Variants in EXOC6 observed in about 807,000 individuals in gnomAD.
EXOC6 encodes the protein exocyst complex component 6, also known as SEC15-like 1.
EXOC6 carries 60 observed loss-of-function variants against 112.5 expected under a neutral mutation model. That is an observed-to-expected ratio of 0.53 (90% CI 0.43 to 0.66). EXOC6 has a LOEUF of 0.66. Ranked by LOEUF, EXOC6 falls within the 30% of genes least tolerant of loss-of-function variation. EXOC6 has a pLI of 0.00. For missense variants in EXOC6, 855 were observed against 957.1 expected (o/e 0.89, Z 1.41); for synonymous variants, 295 against 308.0 (o/e 0.96, Z 0.44).
chr10:92,887,528 T>C (rs192889762), intron 1 of EXOC6, among the ~76,000 whole-genome samples: 2 of 151,018 alleles, frequency 1.3e-5, no homozygotes, highest in African/African-American at 4.9e-5. Flanking sequence ...GCCTCCCAAG[T>C]AGCTGGGATT....
chr10:93,006,207 A>AT (rs1440281553), intron 19 of EXOC6, among the ~76,000 whole-genome samples: 1 of 151,990 alleles, frequency 6.6e-6, no homozygotes, highest in East Asian at 1.9e-4. Flanking sequence ...AAAAAAAAAA[A>AT]GGATGCTGTT....
intron 18 of EXOC6, among the ~76,000 whole-genome samples, chr10:92,988,663 C>T (rs1198631427): frequency 6.6e-6 from 1 of 152,012 alleles, no homozygotes; most frequent in East Asian, 1.9e-4. Flanking sequence ...AGCCTCTTTC[C>T]ACATATATTT....
chr10:92,922,517 C>T (rs1010882466), intron 8 of EXOC6, among the ~76,000 whole-genome samples: 22 of 152,170 alleles, frequency 1.4e-4, no homozygotes, highest in African/African-American at 5.3e-4. Context: ...CTTTCAAGGA[C>T]TGTTGACTGT....
At chr10:92,901,558 T>G (rs1171408932) in intron 5 of EXOC6, 15 of 151,514 alleles carry the variant, frequency 9.9e-5, no homozygotes, top group Non-Finnish European at 4.4e-5. Context: ...TTCCTGTGTC[T>G]TTGTCTTTGA....
chr10:92,871,887 A>G (rs1298629895), intron 1 of EXOC6, among the ~76,000 whole-genome samples: 2 of 151,970 alleles, frequency 1.3e-5, no homozygotes, highest in East Asian at 3.9e-4. Flanking sequence ...TAATTTTAGT[A>G]TTTTTTGTAT....
At chr10:93,002,180 C>CTA (rs1034135436) in intron 19 of EXOC6, among the ~76,000 whole-genome samples, 12 of 151,762 alleles carry the variant, frequency 7.9e-5, no homozygotes, top group South Asian at 6.3e-4. Flanking sequence ...TTTTCTTATC[C>CTA]TATATATATA....
At chr10:92,959,678 A>C (rs74757697) in intron 17 of EXOC6, among the ~76,000 whole-genome samples, 127 of 152,366 alleles carry the variant, frequency 8.3e-4, no homozygotes, top group African/African-American at 3.0e-3. Context: ...AAAATGAACA[A>C]TTGATTTTAA....
upstream of EXOC6, among the ~76,000 whole-genome samples, chr10:92,831,788 A>G (rs1249677735): frequency 6.6e-6 from 1 of 152,218 alleles, no homozygotes; most frequent in African/African-American, 2.4e-5. Context: ...ATATGCCTAC[A>G]TTCTAAAATC....
At chr10:93,048,421 G>A (rs1437593481) in intron 20 of EXOC6, among the ~76,000 whole-genome samples, 1 of 151,718 alleles carries the variant, frequency 6.6e-6, no homozygotes, top group Non-Finnish European at 1.5e-5. Context: ...AACATTGGCT[G>A]GGTGCAGTGG....
intron 5 of EXOC6, among the ~76,000 whole-genome samples, chr10:92,902,381 CTCT>C (rs1305995554): frequency 6.6e-6 from 1 of 151,768 alleles, no homozygotes; most frequent in Non-Finnish European, 1.5e-5. Context: ...ATTTTCTTAT[CTCT>C]TCTTTGACAT....
At chr10:92,834,945 A>G (rs951098132) in intron 1 of EXOC6, 4 of 495,554 alleles carry the variant, frequency 8.1e-6, no homozygotes, top group African/African-American at 1.9e-5. Flanking sequence ...ACAGTTCTGT[A>G]TATACTTAAT....
chr10:93,015,600 G>A (rs141228379), intron 20 of EXOC6, among the ~76,000 whole-genome samples: 6,404 of 152,298 alleles, frequency 0.042, 235 homozygotes, highest in East Asian at 0.13. Flanking sequence ...GTGCGTGGTG[G>A]CACATGCCTG....
intron 13 of EXOC6, among the ~76,000 whole-genome samples, chr10:92,944,276 AC>A (rs1330856575): frequency 6.6e-6 from 1 of 151,798 alleles, no homozygotes; most frequent in East Asian, 1.9e-4. Context: ...TTGCTCTATC[AC>A]CCAGGCTGGA....
chr10:92,908,212 G>A (rs1589809471), intron 5 of EXOC6, among the ~76,000 whole-genome samples: 1 of 151,478 alleles, frequency 6.6e-6, no homozygotes, highest in South Asian at 2.1e-4. Flanking sequence ...GCACTACCAC[G>A]CCCGACTAAT....
chr10:92,907,009 A>AT (rs1219644459), intron 5 of EXOC6, among the ~76,000 whole-genome samples: 1 of 152,190 alleles, frequency 6.6e-6, no homozygotes, highest in African/African-American at 2.4e-5. Flanking sequence ...TTGTGGCTAA[A>AT]TTTTAGAAAG....
chr10:92,875,561 G>A (rs922162297), intron 1 of EXOC6, among the ~76,000 whole-genome samples: 1 of 152,110 alleles, frequency 6.6e-6, no homozygotes, highest in African/African-American at 2.4e-5. Context: ...TTACATAACA[G>A]AATGCCATGA....
chr10:93,051,357 G>A (rs1392927019), intron 20 of EXOC6, among the ~76,000 whole-genome samples: 2 of 152,200 alleles, frequency 1.3e-5, no homozygotes, highest in Admixed American at 1.3e-4. Context: ...GGGAGTGAAA[G>A]GATTGGCTGA....
At chr10:92,956,327 A>G in intron 17 of EXOC6, among the ~76,000 whole-genome samples, 1 of 152,098 alleles carries the variant, frequency 6.6e-6, no homozygotes, top group East Asian at 1.9e-4. Flanking sequence ...TGAATATTTT[A>G]TTAAACTAAT....
upstream of EXOC6, among the ~76,000 whole-genome samples, chr10:92,831,689 C>T (rs1299602203): frequency 1.3e-5 from 2 of 152,170 alleles, no homozygotes; most frequent in Non-Finnish European, 2.9e-5. Context: ...CCTGCCTCGG[C>T]CTCCCAAAGT....
Sources: gnomAD v4.1 joint callset for allele counts (sites outside exome capture counted in the v4.1 genomes callset) on GRCh38, gnomAD v4.1.1 for gene constraint, MANE v1.5 for transcripts, NCBI Gene and HGNC (gene_info 2026-07-23, HGNC 2026-07-21) for gene names.